Variants in PLD1 observed in about 807,000 individuals in gnomAD.
PLD1 encodes the protein phospholipase D1.
PLD1 carries 112 observed loss-of-function variants against 137.1 expected under a neutral mutation model. The observed-to-expected ratio is 0.82, with a 90% confidence interval of 0.70 to 0.96. PLD1 has a LOEUF of 0.96. Among genes scored for constraint, PLD1 ranks in the 40% least tolerant of loss-of-function variants. PLD1 has a pLI of 0.00. For missense variants in PLD1, 1,321 were observed against 1,342.0 expected, an observed-to-expected ratio of 0.98 and a Z score of 0.24; for synonymous variants, 431 against 454.7, an observed-to-expected ratio of 0.95 and a Z score of 0.66.
chr3:171,667,327 T>A (rs570848191), intron 19 of PLD1, among the ~76,000 whole-genome samples: 6 of 152,300 alleles, frequency 3.9e-5, no homozygotes, highest in African/African-American at 1.4e-4. Flanking sequence ...CAAGAACCTG[T>A]CTCATCTTAT....
chr3:171,806,158 G>GT (rs1227676959), intron 1 of PLD1, among the ~76,000 whole-genome samples: 1 of 145,712 alleles, frequency 6.9e-6, no homozygotes, highest in Non-Finnish European at 1.5e-5. Context: ...TAAACACCAC[G>GT]TAAGTGTTTA....
rs756723294 is a variant in PLD1, at chr3:171,620,366, A to C, written c.2728+20T>G. On this transcript the variant is annotated intron_variant, in intron 24 of 26. Transcript: ENST00000351298. Reference sequence around the variant, plus strand: ...GTCAACTGGCAAGGAATACAATTATAGACCATATACTGTACTTACCAATAA... The same window carrying C: ...GTCAACTGGCAAGGAATACAATTATCGACCATATACTGTACTTACCAATAA... 7.9e-5 allele frequency: 121 copies of C among 1,522,692 alleles called. No homozygotes were observed. The highest frequency in any genetic ancestry group is 1.1e-4 in the Non-Finnish European group (118 of 1,117,690). The allele number at this position is 1,522,692 out of a possible 1,614,324, so 94.3% of individuals were successfully genotyped here. A position where few individuals can be genotyped will look rare whatever the true frequency, so the allele number is the denominator to read the frequency against.
intron 19 of PLD1, among the ~76,000 whole-genome samples, chr3:171,673,998 G>T (rs1296527118): frequency 6.6e-6 from 1 of 152,130 alleles, no homozygotes; most frequent in Admixed American, 6.5e-5. Flanking sequence ...AGCCCCACTA[G>T]GTCTGAATTT....
chr3:171,748,872 C>T (rs1346061930), intron 1 of PLD1, among the ~76,000 whole-genome samples: 1 of 148,914 alleles, frequency 6.7e-6, no homozygotes, highest in Non-Finnish European at 1.5e-5. Context: ...GTTCCTATGC[C>T]CCTAGTTATT....
chr3:171,721,826 T>G (rs938093572), intron 8 of PLD1, among the ~76,000 whole-genome samples: 1 of 152,072 alleles, frequency 6.6e-6, no homozygotes, highest in Admixed American at 6.5e-5. Context: ...TTACAAAAAT[T>G]TTCAGTTTTC....
intron 21 of PLD1, among the ~76,000 whole-genome samples, chr3:171,657,047 G>C (rs1578203001): frequency 6.6e-6 from 1 of 152,206 alleles, no homozygotes; most frequent in African/African-American, 2.4e-5. Context: ...GAAGCATTGG[G>C]TTGAAAGTCC....
At chr3:171,757,737 A>G (rs1026989790) in intron 1 of PLD1, among the ~76,000 whole-genome samples, 1 of 152,250 alleles carries the variant, frequency 6.6e-6, no homozygotes, top group Non-Finnish European at 1.5e-5. Context: ...AAACGAAACA[A>G]AACAAAATGA....
rs1250044390 is a variant in PLD1 at position 171,634,337 on chromosome 3, A to G, written c.2593+8503T>C. ...CATTTTTACTGTTGAGAAACTCAAT[A>G]ATAAGCTGTTTTGCCCTATATCCTC... On this transcript the variant is annotated intron_variant, in intron 23 of 26. Coordinates refer to ENST00000351298, the MANE Select transcript of PLD1 (RefSeq NM_002662.5). 2.0e-5 allele frequency among the ~76,000 whole-genome samples: 3 copies of G among 152,222 alleles called. No homozygotes were observed. In the East Asian group the frequency reaches 5.8e-4, roughly 29 times the overall value.
intron 9 of PLD1, among the ~76,000 whole-genome samples, chr3:171,710,841 T>C (rs1432332308): frequency 3.3e-5 from 5 of 150,986 alleles, no homozygotes; most frequent in Non-Finnish European, 7.4e-5. Flanking sequence ...TATTGTGAGT[T>C]TTCTATTTCA....
intron 1 of PLD1, among the ~76,000 whole-genome samples, chr3:171,750,868 A>G (rs1024043271): frequency 6.6e-6 from 1 of 152,220 alleles, no homozygotes; most frequent in African/African-American, 2.4e-5. Context: ...TCTGTAACAG[A>G]GAAATTATAA....
At chr3:171,761,512 A>G (rs75349986) in intron 1 of PLD1, among the ~76,000 whole-genome samples, 1 of 152,140 alleles carries the variant, frequency 6.6e-6, no homozygotes, top group Non-Finnish European at 1.5e-5. Flanking sequence ...ACCAGCAAAA[A>G]GCAAGGAGAA....
intron 11 of PLD1, 31 bp downstream of exon 11, chr3:171,708,724 C>T (rs1390748643): frequency 8.4e-6 from 10 of 1,190,182 alleles, no homozygotes; most frequent in Non-Finnish European, 1.3e-5. Context: ...TAGAGACTTC[C>T]AGAAAAAAAT....
At position 171,735,575 on chromosome 3, in the gene PLD1, C is replaced by G; in HGVS notation, c.351G>C (p.Lys117Asn). 6.3e-7 allele frequency: 1 copy of G among 1,592,958 alleles called. No homozygotes were observed. The highest frequency in any genetic ancestry group is 8.6e-7 in the Non-Finnish European group (1 of 1,160,822). The change falls in exon 4 of 27, where the codon AAG (lysine) becomes AAC (asparagine). Residue 117 changes from lysine to asparagine, a missense_variant. Lys to Asn is a moderately conservative substitution (Grantham distance 94). Transcript: ENST00000351298. ...LTHGEFKWQV[K>N]RKFKHFQEFH... ...ATTCTTGAAAATGCTTGAATTTCCT[C>G]TTAACTTGCCATTTAAATTCCCCAT...
At chr3:171,663,245 C>T (rs146325345) in intron 19 of PLD1, among the ~76,000 whole-genome samples, 10 of 152,206 alleles carry the variant, frequency 6.6e-5, no homozygotes, top group East Asian at 1.9e-4. Flanking sequence ...CCTCGCTCTA[C>T]GCAGACACTC....
intron 6 of PLD1, among the ~76,000 whole-genome samples, chr3:171,731,109 C>T (rs1718906624): frequency 6.6e-6 from 1 of 152,202 alleles, no homozygotes. Context: ...AGAACATATC[C>T]TATTCAGTCC....
intron 12 of PLD1, among the ~76,000 whole-genome samples, chr3:171,698,509 AG>A (rs933544470): frequency 6.6e-5 from 10 of 152,216 alleles, no homozygotes; most frequent in African/African-American, 2.4e-4. Flanking sequence ...CATGGGGAAA[AG>A]ATACAGAAAG....
intron 25 of PLD1, among the ~76,000 whole-genome samples, chr3:171,609,309 C>G (rs73038037): frequency 0.036 from 5,423 of 152,094 alleles, 226 homozygotes; most frequent in African/African-American, 0.1. Context: ...TTAGTATAAC[C>G]TCTATAGGAG....
intron 23 of PLD1, among the ~76,000 whole-genome samples, chr3:171,620,742 C>CTCTATA (rs1473647659): frequency 0.021 from 2,028 of 94,486 alleles, 26 homozygotes; most frequent in African/African-American, 0.034. Context: ...CTCTCTCTCT[C>CTCTATA]TATATATATA....
At chr3:171,619,708 C>T (rs1208813343) in intron 24 of PLD1, among the ~76,000 whole-genome samples, 1 of 152,146 alleles carries the variant, frequency 6.6e-6, no homozygotes, top group Admixed American at 6.6e-5. Flanking sequence ...CGAATTACCA[C>T]AAGGTACTCA....
Sources: allele counts gnomAD v4.1 joint callset (sites outside exome capture counted in the v4.1 genomes callset), GRCh38; gene constraint gnomAD v4.1.1; transcripts MANE v1.5; gene names NCBI Gene and HGNC (gene_info 2026-07-23, HGNC 2026-07-21).